GALNT14: variants seen among roughly 807,000 people sequenced by gnomAD.
GALNT14 encodes UDP-GalNAc:polypeptide N-acetylgalactosaminyltransferase 14.
In GALNT14, 60 loss-of-function variants were observed where a neutral mutation model predicts 77.5. That is an observed-to-expected ratio of 0.77 (90% CI 0.63 to 0.96). The LOEUF (loss-of-function observed/expected upper bound fraction) is 0.96. GALNT14 is among the 40% of genes least tolerant of loss of function. The pLI is 0.00. For synonymous variants in GALNT14, 280 were observed against 281.7 expected (o/e 0.99, Z 0.06); for missense variants, 710 against 731.0 (o/e 0.97, Z 0.33).
At chr2:31,135,028 G>A (rs1272330463) in intron 1 of GALNT14, among the ~76,000 whole-genome samples, 1 of 152,188 alleles carries the variant, frequency 6.6e-6, no homozygotes, top group East Asian at 1.9e-4. Flanking sequence ...AATGCTGGTG[G>A]CTGTTATTTA....
At chr2:30,897,252 T>C in the GALNT14 span, among the ~76,000 whole-genome samples, 1 of 152,224 alleles carries the variant, frequency 6.6e-6, no homozygotes. Context: ...CTGGGCCAGG[T>C]GTCCAGAGCA....
intron 1 of GALNT14, among the ~76,000 whole-genome samples, chr2:31,010,676 G>A (rs1383193111): frequency 6.6e-6 from 1 of 152,132 alleles, no homozygotes; most frequent in Admixed American, 6.6e-5. Context: ...GGCTCCCACT[G>A]CACTCAGAAT....
intron 1 of GALNT14, among the ~76,000 whole-genome samples, chr2:31,039,742 G>A (rs1156956289): frequency 2.0e-5 from 3 of 151,968 alleles, no homozygotes; most frequent in Admixed American, 6.6e-5. Flanking sequence ...TTAAAAGAAC[G>A]TGCAGGCCCG....
At chr2:31,058,308 T>G (rs375202804) in intron 1 of GALNT14, among the ~76,000 whole-genome samples, 213 of 152,112 alleles carry the variant, frequency 1.4e-3, no homozygotes, top group African/African-American at 4.5e-3. Context: ...CCCAGCGGGC[T>G]GGGCTGGGCG....
At chr2:30,907,669 C>A (rs1664179757), downstream of GALNT14, among the ~76,000 whole-genome samples, 1 of 150,770 alleles carries the variant, frequency 6.6e-6, no homozygotes. Flanking sequence ...GAAACTATTC[C>A]AATCAATAGA....
At chr2:31,051,232 G>A (rs547328658) in intron 1 of GALNT14, among the ~76,000 whole-genome samples, 3 of 152,314 alleles carry the variant, frequency 2.0e-5, no homozygotes, top group Admixed American at 2.0e-4. Context: ...GACGGTGAAT[G>A]TTATGCATCC....
chr2:31,051,103 C>T (rs1049496506), intron 1 of GALNT14, among the ~76,000 whole-genome samples: 1 of 152,198 alleles, frequency 6.6e-6, no homozygotes, highest in East Asian at 1.9e-4. Context: ...TGCTGCATCG[C>T]CCCCAGATTT....
At chr2:30,939,360 CTT>C (rs555354931) in intron 9 of GALNT14, among the ~76,000 whole-genome samples, 166 of 152,172 alleles carry the variant, frequency 1.1e-3, no homozygotes, top group African/African-American at 3.9e-3. Context: ...AGCAGAGTAA[CTT>C]TGGTGGAAAA....
intron 2 of GALNT14, among the ~76,000 whole-genome samples, chr2:30,990,344 A>G (rs2148399528): frequency 6.6e-6 from 1 of 152,358 alleles, no homozygotes; most frequent in South Asian, 2.1e-4. Flanking sequence ...GTCAGCCCAG[A>G]CAGGCAAGCT....
intron 1 of GALNT14, among the ~76,000 whole-genome samples, chr2:31,073,907 A>G (rs957995584): frequency 1.3e-5 from 2 of 152,232 alleles, no homozygotes; most frequent in African/African-American, 4.8e-5. Flanking sequence ...GGGGAGGAAC[A>G]GAACGCTCTC....
chr2:31,076,133 T>A (rs1015304804), intron 1 of GALNT14, among the ~76,000 whole-genome samples: 1 of 152,096 alleles, frequency 6.6e-6, no homozygotes, highest in African/African-American at 2.4e-5. Flanking sequence ...AAGAGTTGAG[T>A]AGGAAGGAGG....
chr2:30,949,606 G>C (rs1666907269), intron 6 of GALNT14, among the ~76,000 whole-genome samples: 1 of 152,162 alleles, frequency 6.6e-6, no homozygotes, highest in Admixed American at 6.5e-5. Context: ...GAGGCTGAAT[G>C]CATCAGCCCG....
intron 1 of GALNT14, among the ~76,000 whole-genome samples, chr2:31,113,224 T>C (rs1175590328): frequency 1.3e-5 from 2 of 152,226 alleles, no homozygotes; most frequent in Admixed American, 1.3e-4. Context: ...TGATAGCTAG[T>C]GGTGTCTCTC....
intron 1 of GALNT14, chr2:31,129,504 G>T: frequency 1.0e-6 from 1 of 985,384 alleles, no homozygotes; most frequent in Non-Finnish European, 1.2e-6. Context: ...CCATCAATTG[G>T]CCATCTATTA....
In GALNT14 at chr2:30,946,273, T is replaced by C. The variant is rs138911046; in HGVS notation, c.655-403A>G. Among the ~76,000 whole-genome samples the C allele has an allele frequency of 5.7e-3, 864 of 152,204 alleles. 10 individuals carry two copies. Among genetic ancestry groups the C allele is most frequent in the African/African-American group, 0.02 (828 of 41,522 alleles). On this transcript the variant is annotated intron_variant, in intron 6 of 14. Transcript: ENST00000349752. Reference sequence around the variant, plus strand: ...GCTGGTGATACGGTTTGGATCTGTGTCCCCAATCAAATCTCATGTCAAATT... The same window carrying C: ...GCTGGTGATACGGTTTGGATCTGTGCCCCCAATCAAATCTCATGTCAAATT...
chr2:31,090,603 C>A (rs1241556153), intron 1 of GALNT14, among the ~76,000 whole-genome samples: 1 of 151,160 alleles, frequency 6.6e-6, no homozygotes, highest in African/African-American at 2.4e-5. Context: ...CATTCTCCTG[C>A]CTCAGCCTTC....
chr2:30,932,823 CAT>C (rs1287819977), intron 9 of GALNT14, among the ~76,000 whole-genome samples: 2 of 152,216 alleles, frequency 1.3e-5, no homozygotes, highest in African/African-American at 2.4e-5. Context: ...CCACCTGAAT[CAT>C]AACCCAGGAG....
intron 1 of GALNT14, among the ~76,000 whole-genome samples, chr2:31,023,898 G>A (rs541237450): frequency 1.5e-4 from 23 of 152,198 alleles, no homozygotes; most frequent in African/African-American, 3.9e-4. Context: ...TTTAGACTCC[G>A]AGGTGACTCC....
intron 1 of GALNT14, among the ~76,000 whole-genome samples, chr2:31,028,532 C>T (rs1159731491): frequency 6.6e-6 from 1 of 152,244 alleles, no homozygotes; most frequent in African/African-American, 2.4e-5. Flanking sequence ...CTAGAGCCGC[C>T]ACCACCTGCC....
Sources: allele counts gnomAD v4.1 joint callset (sites outside exome capture counted in the v4.1 genomes callset), GRCh38; gene constraint gnomAD v4.1.1; transcripts MANE v1.5; gene names NCBI Gene and HGNC (gene_info 2026-07-23, HGNC 2026-07-21).